SIPA1L1: variants seen among roughly 807,000 people sequenced by gnomAD.
SIPA1L1 encodes the protein signal-induced proliferation-associated 1-like protein 1.
SIPA1L1 carries 26 observed loss-of-function variants against 162.7 expected under a neutral mutation model. The ratio of observed to expected loss-of-function variants is 0.16; its 90% CI spans 0.12 to 0.22. The LOEUF is 0.22. SIPA1L1 is among the 10% of genes least tolerant of loss of function. SIPA1L1 has a pLI of 1.00. For missense variants in SIPA1L1, 1,874 were observed against 2,241.0 expected (o/e 0.84, Z 3.31); for synonymous variants, 829 against 837.4 (o/e 0.99, Z 0.17).
At chr14:71,697,290 C>T (rs113089988) in intron 13 of SIPA1L1, among the ~76,000 whole-genome samples, 1 of 152,122 alleles carries the variant, frequency 6.6e-6, no homozygotes, top group Admixed American at 6.5e-5. Context: ...TCTTCTTTGT[C>T]TTTGTGTTAT....
At chr14:71,735,213 C>T (rs1181805139) in intron 21 of SIPA1L1, 64 bp from the exon 22 acceptor site, 20 of 1,119,510 alleles carry the variant, frequency 1.8e-5, no homozygotes, top group Admixed American at 1.4e-4. Flanking sequence ...CACTTGTTGA[C>T]TTTGATAGAT....
In SIPA1L1 at chr14:71,386,307, G is replaced by A. The variant is rs375913134; in HGVS notation, c.-465+65126G>A. On this transcript the variant is annotated intron_variant, in intron 2 of 23. Transcript: ENST00000381232. ...ACATCCAGCACAGGAGAAAGATGTA[G>A]GCTGGGAGACTCAGCCAGTCTAGTT... Among the ~76,000 whole-genome samples, 80 of 152,308 alleles carry A rather than the reference G, an allele frequency of 5.3e-4. 2 individuals are homozygous for A. The South Asian group carries it at 0.017, about 32-fold the overall frequency.
At chr14:71,688,139 C>T (rs1417612830) in intron 13 of SIPA1L1, among the ~76,000 whole-genome samples, 1 of 152,088 alleles carries the variant, frequency 6.6e-6, no homozygotes, top group Admixed American at 6.5e-5. Context: ...TAAAAAATAT[C>T]TTTTAAGTTT....
At chr14:71,492,422 T>C (rs1486891012) in intron 2 of SIPA1L1, among the ~76,000 whole-genome samples, 1 of 152,218 alleles carries the variant, frequency 6.6e-6, no homozygotes, top group East Asian at 1.9e-4. Context: ...TGTGTTCCTT[T>C]TCTTTAAGAA....
chr14:71,488,222 G>T (rs981596044), intron 2 of SIPA1L1, among the ~76,000 whole-genome samples: 12 of 152,126 alleles, frequency 7.9e-5, no homozygotes, highest in Non-Finnish European at 1.3e-4. Context: ...GTACAAATGG[G>T]CACATCTGCT....
intron 13 of SIPA1L1, among the ~76,000 whole-genome samples, chr14:71,690,775 T>C (rs2081196399): frequency 6.6e-6 from 1 of 152,228 alleles, no homozygotes. Flanking sequence ...TTCTAGAAGG[T>C]TCATCCACTT....
At chr14:71,494,040 T>C (rs2049512019) in intron 2 of SIPA1L1, among the ~76,000 whole-genome samples, 1 of 152,264 alleles carries the variant, frequency 6.6e-6, no homozygotes, top group East Asian at 1.9e-4. Flanking sequence ...GAAAAATCTC[T>C]ACAATTGAGG....
chr14:71,490,911 A>G (rs1390580055), intron 2 of SIPA1L1, among the ~76,000 whole-genome samples: 1 of 152,206 alleles, frequency 6.6e-6, no homozygotes, highest in Non-Finnish European at 1.5e-5. Context: ...TTTCAAAGGT[A>G]GGGGTTTAAT....
At chr14:71,514,647 G>A (rs901156550) in intron 3 of SIPA1L1, among the ~76,000 whole-genome samples, 2 of 152,048 alleles carry the variant, frequency 1.3e-5, no homozygotes, top group African/African-American at 4.8e-5. Flanking sequence ...CCCTATTTGT[G>A]TCTGACTAGC....
At chr14:71,729,930 C>G in intron 19 of SIPA1L1, 125 bp from the exon 20 acceptor site, 1 of 1,032,166 alleles carries the variant, frequency 9.7e-7, no homozygotes, top group East Asian at 2.4e-5. Context: ...GACAATGAGC[C>G]CTGAAGCTTC....
intron 5 of SIPA1L1, among the ~76,000 whole-genome samples, chr14:71,609,478 A>G (rs944904180): frequency 6.8e-6 from 1 of 147,746 alleles, no homozygotes; most frequent in Non-Finnish European, 1.5e-5. Flanking sequence ...TTATTTATTT[A>G]TTTATTGAGA....
chr14:71,342,475 A>T (rs1223743415), intron 2 of SIPA1L1, among the ~76,000 whole-genome samples: 5 of 152,208 alleles, frequency 3.3e-5, no homozygotes, highest in Admixed American at 2.6e-4. Flanking sequence ...AAATATACAG[A>T]TTTTTAAAGA....
intron 2 of SIPA1L1, among the ~76,000 whole-genome samples, chr14:71,340,926 G>T (rs574917080): frequency 6.6e-6 from 1 of 152,196 alleles, no homozygotes; most frequent in Non-Finnish European, 1.5e-5. Flanking sequence ...ACAACAGAGC[G>T]AGACTCCGTC....
chr14:71,483,822 A>G (rs1377659540), intron 2 of SIPA1L1, among the ~76,000 whole-genome samples: 2 of 152,118 alleles, frequency 1.3e-5, no homozygotes, highest in African/African-American at 2.4e-5. Context: ...GCTCAACCAT[A>G]TCATCTATCA....
chr14:71,613,368 CT>C (rs78326051), intron 5 of SIPA1L1, among the ~76,000 whole-genome samples: 3,901 of 139,846 alleles, frequency 0.028, 120 homozygotes, highest in African/African-American at 0.083. Context: ...AAGGAAGTAC[CT>C]TTTTTTTTTT....
intron 2 of SIPA1L1, among the ~76,000 whole-genome samples, chr14:71,510,440 G>A (rs1241510786): frequency 6.6e-6 from 1 of 151,694 alleles, no homozygotes; most frequent in Non-Finnish European, 1.5e-5. Context: ...CACCCAGGTC[G>A]GCCTCCCAAA....
rs756484967 is a variant in SIPA1L1, at chr14:71,646,178, CT to C, written c.1819-4141del. 5.2e-3 allele frequency among the ~76,000 whole-genome samples: 744 copies of C among 142,046 alleles called. 2 individuals carry two copies. Among genetic ancestry groups the C allele is most frequent in the African/African-American group, 0.015 (582 of 39,094 alleles). The allele number at this position is 142,046 out of a possible 152,430, so 93.2% of individuals were successfully genotyped here. On this transcript the variant is annotated intron_variant, in intron 7 of 23. Coordinates refer to ENST00000381232, the MANE Select transcript of SIPA1L1 (RefSeq NM_001386936.1). ...TGCACTGTCTGTTTCTTTCTTTCTA[CT>C]TTTTTTTTTTTTTTTGAGACGGAGT...
At chr14:71,542,340 CCTCCTT>C (rs1162083476) in intron 4 of SIPA1L1, among the ~76,000 whole-genome samples, 1 of 144,806 alleles carries the variant, frequency 6.9e-6, no homozygotes, top group African/African-American at 2.6e-5. Context: ...TCTTCCTCCT[CCTCCTT>C]CTTTCCTCTT....
At chr14:71,683,122 C>T (rs998363820) in intron 12 of SIPA1L1, among the ~76,000 whole-genome samples, 5 of 152,204 alleles carry the variant, frequency 3.3e-5, no homozygotes, top group African/African-American at 1.2e-4. Context: ...TCACAGCACT[C>T]CAGCCTAGGC....
Sources: allele counts gnomAD v4.1 joint callset (sites outside exome capture counted in the v4.1 genomes callset), GRCh38; gene constraint gnomAD v4.1.1; transcripts MANE v1.5; gene names NCBI Gene and HGNC (gene_info 2026-07-23, HGNC 2026-07-21).